NALCN: variants seen among roughly 807,000 people sequenced by gnomAD.
The protein encoded by NALCN is sodium leak channel, non-selective.
A neutral mutation model predicts 225.3 loss-of-function variants in NALCN; 111 were observed. The ratio of observed to expected loss-of-function variants is 0.49; its 90% CI spans 0.42 to 0.58. NALCN has a LOEUF of 0.58. Among genes scored for constraint, NALCN ranks in the 20% least tolerant of loss-of-function variants. NALCN has a pLI of 0.00. For synonymous variants in NALCN, 764 were observed against 769.0 expected, an observed-to-expected ratio of 0.99 and a Z score of 0.11; for missense variants, 1,378 against 2,202.4, an observed-to-expected ratio of 0.63 and a Z score of 7.49.
chr13:101,313,277 G>C (rs2044422056), intron 7 of NALCN, among the ~76,000 whole-genome samples: 1 of 152,082 alleles, frequency 6.6e-6, no homozygotes, highest in South Asian at 2.1e-4. Context: ...CATGGGCAAA[G>C]ACTTCATGTC....
chr13:101,342,714 T>C (rs562330555), intron 7 of NALCN, among the ~76,000 whole-genome samples: 1 of 152,330 alleles, frequency 6.6e-6, no homozygotes, highest in South Asian at 2.1e-4. Flanking sequence ...AAATTTCATT[T>C]CTGTTTCTCA....
At chr13:101,238,311 A>C (rs1207004890) in intron 11 of NALCN, among the ~76,000 whole-genome samples, 4 of 152,058 alleles carry the variant, frequency 2.6e-5, no homozygotes, top group Non-Finnish European at 4.4e-5. Flanking sequence ...ATAAAATAAC[A>C]ACTTACATAT....
chr13:101,357,649 A>G (rs148311349), intron 6 of NALCN, among the ~76,000 whole-genome samples: 4,908 of 152,154 alleles, frequency 0.032, 271 homozygotes, highest in African/African-American at 0.11. Flanking sequence ...CCATCAAACT[A>G]CCATTGACAT....
intron 15 of NALCN, among the ~76,000 whole-genome samples, chr13:101,150,144 A>G (rs2037567916): frequency 1.6e-5 from 1 of 63,260 alleles, no homozygotes; most frequent in Non-Finnish European, 3.1e-5. Flanking sequence ...GCAACAACAG[A>G]GTACATACTG....
Position 101,166,996 on chromosome 13 carries a change from G to C in NALCN, c.1839+9304C>G, listed in dbSNP as rs114351285. Among the ~76,000 whole-genome samples the C allele has an allele frequency of 2.9e-3, 444 of 152,236 alleles. 1 individual carries two copies. The highest frequency in any genetic ancestry group is 0.01 in the African/African-American group (424 of 41,548). On this transcript the variant is annotated intron_variant, in intron 15 of 43. Coordinates refer to ENST00000251127, the MANE Select transcript of NALCN (RefSeq NM_052867.4). The stretch of plus-strand genomic sequence containing the variant: ...TGTCCTTTCCCCATAGTGTGGTCTT[G>C]ACACCACTGTTGAAGATCATGTGAC...
intron 7 of NALCN, among the ~76,000 whole-genome samples, chr13:101,293,342 G>A (rs2043619052): frequency 6.6e-6 from 1 of 152,164 alleles, no homozygotes; most frequent in African/African-American, 2.4e-5. Flanking sequence ...AGGTTCTTAA[G>A]ATATTTCAGG....
intron 7 of NALCN, among the ~76,000 whole-genome samples, chr13:101,317,340 A>G (rs927517675): frequency 6.6e-6 from 1 of 152,238 alleles, no homozygotes; most frequent in Non-Finnish European, 1.5e-5. Flanking sequence ...TAAACTAGAC[A>G]TCCTCTGGAA....
intron 13 of NALCN, among the ~76,000 whole-genome samples, chr13:101,195,721 C>A (rs546130808): frequency 6.6e-6 from 1 of 152,268 alleles, no homozygotes; most frequent in Admixed American, 6.5e-5. Context: ...CACAACATCA[C>A]TCCCCACTTC....
chr13:101,337,536 G>GACCTCAGGTGATCTGCCT (rs1426976624), intron 7 of NALCN, among the ~76,000 whole-genome samples: 1 of 152,012 alleles, frequency 6.6e-6, no homozygotes, highest in Admixed American at 6.6e-5. Context: ...TTGAATTCCT[G>GACCTCAGGTGATCTGCCT]ACCTCAGGTG....
chr13:101,416,663 G>A (rs1260500427), upstream of NALCN, among the ~76,000 whole-genome samples: 1 of 152,236 alleles, frequency 6.6e-6, no homozygotes, highest in East Asian at 1.9e-4. Context: ...AGGCTGCGCC[G>A]CAGTTGGTGG....
chr13:101,205,372 T>C (rs929291314), intron 13 of NALCN, among the ~76,000 whole-genome samples: 73 of 152,002 alleles, frequency 4.8e-4, no homozygotes, highest in Admixed American at 2.7e-3. Context: ...TTACAAAATA[T>C]ATTTTAATAA....
rs1433500634 is a variant in NALCN at position 101,104,572 on chromosome 13, A to AAACAAC, written c.2714_2715insGTTGTT (p.Met904_Phe905insLeuLeu). 2 of 1,613,910 alleles carry AAACAAC rather than the reference A, an allele frequency of 1.2e-6. No homozygotes were observed. Among genetic ancestry groups the AAACAAC allele is most frequent in the Non-Finnish European group, 1.7e-6 (2 of 1,179,942 alleles). Reference sequence around the variant, plus strand: ...GCATGACTCTTCGAAACGGGGACTCAAACATCATGGAAATGCAAGAGCAGA... The same window carrying AAACAAC: ...GCATGACTCTTCGAAACGGGGACTCAAACAACAACATCATGGAAATGCAAGAGCAGA... On this transcript the variant is annotated inframe_insertion, in exon 24 of 44. Transcript: ENST00000251127. The surrounding 1 kb of genome is among the most constrained non-coding windows in gnomAD (Gnocchi z 4.2).
chr13:101,382,056 C>T (rs992617662), intron 3 of NALCN, among the ~76,000 whole-genome samples: 3 of 151,992 alleles, frequency 2.0e-5, no homozygotes, highest in Non-Finnish European at 4.4e-5. Flanking sequence ...TACACGGGCA[C>T]CCAAATAGGA....
At chr13:101,145,761 T>G (rs1949274819) in intron 15 of NALCN, among the ~76,000 whole-genome samples, 1 of 152,162 alleles carries the variant, frequency 6.6e-6, no homozygotes. Context: ...TGGAACACCC[T>G]TCCCCACGTC....
intron 16 of NALCN, among the ~76,000 whole-genome samples, chr13:101,143,736 T>C (rs996799918): frequency 4.6e-5 from 7 of 152,304 alleles, no homozygotes; most frequent in African/African-American, 1.7e-4. Flanking sequence ...AGTGCTGGGA[T>C]TACAGGTGTG....
intron 11 of NALCN, among the ~76,000 whole-genome samples, chr13:101,240,074 T>C (rs1456770945): frequency 6.6e-6 from 1 of 152,128 alleles, no homozygotes; most frequent in Admixed American, 6.5e-5. Flanking sequence ...CTTTGCTATA[T>C]ATACTGCAAA....
chr13:101,312,015 T>C (rs1034164422), intron 7 of NALCN, among the ~76,000 whole-genome samples: 4 of 152,216 alleles, frequency 2.6e-5, no homozygotes, highest in Admixed American at 1.3e-4. Flanking sequence ...TGGTAAGCTA[T>C]TGATTATTGC....
intron 17 of NALCN, among the ~76,000 whole-genome samples, chr13:101,132,066 A>G (rs2036546359): frequency 6.6e-6 from 1 of 150,464 alleles, no homozygotes; most frequent in Admixed American, 6.6e-5. Context: ...TTGGTTGATA[A>G]TTTTTCTAAA....
chr13:101,393,661 G>GC (rs1254818082), intron 3 of NALCN, among the ~76,000 whole-genome samples: 1 of 151,892 alleles, frequency 6.6e-6, no homozygotes, highest in Non-Finnish European at 1.5e-5. Context: ...TACAAAATTA[G>GC]CCCGGGGTGG....
Sources: gnomAD v4.1 joint callset for allele counts (sites outside exome capture counted in the v4.1 genomes callset) on GRCh38, gnomAD v4.1.1 for gene constraint, Gnocchi (gnomAD v3.1) non-coding constraint, MANE v1.5 for transcripts, NCBI Gene and HGNC (gene_info 2026-07-23, HGNC 2026-07-21) for gene names.